Variants in BABAM2 observed in about 807,000 individuals in gnomAD.
The protein encoded by BABAM2 is BRISC and BRCA1 A complex member 2.
A neutral mutation model predicts 54.7 loss-of-function variants in BABAM2; 31 were observed. The ratio of observed to expected loss-of-function variants is 0.57; its 90% CI spans 0.43 to 0.77. The LOEUF (loss-of-function observed/expected upper bound fraction) is 0.77, where lower values mean the gene tolerates loss of function less well. Ranked by LOEUF, BABAM2 falls within the 30% of genes least tolerant of loss-of-function variation. BABAM2 has a pLI of 0.00. For missense variants in BABAM2, 364 were observed against 455.8 expected (o/e 0.80, Z 1.83); for synonymous variants, 167 against 162.9 (o/e 1.03, Z -0.19).
chr2:27,905,917 T>C (rs547723372), intron 2 of BABAM2, among the ~76,000 whole-genome samples: 13 of 152,314 alleles, frequency 8.5e-5, no homozygotes, highest in African/African-American at 2.6e-4. Context: ...TTTGATTAGG[T>C]TGAAAAATGA....
At chr2:28,034,271 G>A (rs770232903) in intron 5 of BABAM2, among the ~76,000 whole-genome samples, 9 of 152,066 alleles carry the variant, frequency 5.9e-5, no homozygotes, top group South Asian at 2.1e-4. Context: ...TCTGCCACCC[G>A]TTCTTTTTGT....
chr2:28,056,395 C>T (rs1003956208), intron 6 of BABAM2, among the ~76,000 whole-genome samples: 3 of 152,166 alleles, frequency 2.0e-5, no homozygotes, highest in Admixed American at 6.5e-5. Context: ...CTTAAATATA[C>T]ACAATAAAAT....
At chr2:28,210,832 A>G (rs1314123258) in intron 7 of BABAM2, among the ~76,000 whole-genome samples, 1 of 152,232 alleles carries the variant, frequency 6.6e-6, no homozygotes, top group Non-Finnish European at 1.5e-5. Flanking sequence ...GTGCTTCCTC[A>G]GGGCAGATTT....
At chr2:27,974,630 A>G (rs961328817) in intron 3 of BABAM2, among the ~76,000 whole-genome samples, 7 of 152,168 alleles carry the variant, frequency 4.6e-5, no homozygotes, top group African/African-American at 1.7e-4. Flanking sequence ...ACATCTACCC[A>G]GAACCTACAG....
At chr2:28,302,627 G>T (rs1032183469) in intron 11 of BABAM2, among the ~76,000 whole-genome samples, 1 of 152,170 alleles carries the variant, frequency 6.6e-6, no homozygotes, top group Non-Finnish European at 1.5e-5. Flanking sequence ...GGGAGTGGGA[G>T]TACATATGTG....
Position 28,241,597 on chromosome 2 carries a change from C to T in BABAM2, c.851+204C>T, listed in dbSNP as rs766915777. On this transcript the variant is annotated intron_variant, in intron 9 of 11. Transcript: ENST00000379624. Reference sequence around the variant, plus strand: ...GCAACCTCCACTTCCCGAGTTCAAGCGATTCTCCTGCCTCAGTCTCCTGAG... The same window carrying T: ...GCAACCTCCACTTCCCGAGTTCAAGTGATTCTCCTGCCTCAGTCTCCTGAG... Among the ~76,000 whole-genome samples the T allele has an allele frequency of 1.2e-3, 182 of 152,092 alleles. 1 individual carries two copies. The highest frequency in any genetic ancestry group is 2.3e-3 in the Non-Finnish European group (155 of 68,010).
intron 3 of BABAM2, among the ~76,000 whole-genome samples, chr2:27,948,114 C>G (rs1415009461): frequency 2.0e-5 from 3 of 151,616 alleles, no homozygotes; most frequent in Non-Finnish European, 2.9e-5. Flanking sequence ...ATCATCTTGT[C>G]AATTTTTTAG....
chr2:28,285,344 C>A (rs1405495463), intron 10 of BABAM2, among the ~76,000 whole-genome samples: 1 of 152,166 alleles, frequency 6.6e-6, no homozygotes, highest in Non-Finnish European at 1.5e-5. Context: ...CCCCACCCAT[C>A]TTGCAGACTG....
At chr2:28,018,080 T>A (rs1015826350) in intron 4 of BABAM2, among the ~76,000 whole-genome samples, 1 of 152,222 alleles carries the variant, frequency 6.6e-6, no homozygotes, top group African/African-American at 2.4e-5. Flanking sequence ...CTGAGATTGG[T>A]ACATCCATCA....
intron 2 of BABAM2, among the ~76,000 whole-genome samples, chr2:27,908,455 T>C (rs1666342713): frequency 6.6e-6 from 1 of 152,082 alleles, no homozygotes; most frequent in Non-Finnish European, 1.5e-5. Flanking sequence ...GTATTTTTTT[T>C]CGAAATGGGG....
At chr2:27,892,237 A>G (rs1664918234) in intron 1 of BABAM2, 1 of 152,170 alleles carries the variant, frequency 6.6e-6, no homozygotes, top group Non-Finnish European at 1.5e-5. Flanking sequence ...TTTAGCTTCC[A>G]CTTGTCAAAT....
chr2:27,926,914 C>G (rs1016848390), intron 2 of BABAM2, among the ~76,000 whole-genome samples: 1 of 152,072 alleles, frequency 6.6e-6, no homozygotes, highest in Non-Finnish European at 1.5e-5. Flanking sequence ...ATATCCTCAT[C>G]TCAAACATTT....
At chr2:28,289,493 A>T (rs1687098157) in intron 10 of BABAM2, among the ~76,000 whole-genome samples, 1 of 152,206 alleles carries the variant, frequency 6.6e-6, no homozygotes. Context: ...TTTAAAAAGA[A>T]ATAGCACATT....
At chr2:27,894,446 C>A in intron 1 of BABAM2, 87 bp from the exon 2 acceptor site, 2 of 1,239,284 alleles carry the variant, frequency 1.6e-6, no homozygotes, top group Non-Finnish European at 2.3e-6. Context: ...GCAAGAGGAA[C>A]TGCTGTATGC....
intron 6 of BABAM2, among the ~76,000 whole-genome samples, chr2:28,046,058 T>C (rs1017755276): frequency 6.6e-6 from 1 of 152,250 alleles, no homozygotes. Flanking sequence ...AAATCGCTTT[T>C]ATTTAATAAT....
chr2:28,266,116 C>G (rs1684967116), intron 10 of BABAM2, among the ~76,000 whole-genome samples: 1 of 152,090 alleles, frequency 6.6e-6, no homozygotes, highest in African/African-American at 2.4e-5. Context: ...TCCCAAGTAA[C>G]TGGGATTACA....
At chr2:27,904,084 A>G (rs1242359997) in intron 2 of BABAM2, among the ~76,000 whole-genome samples, 1 of 152,190 alleles carries the variant, frequency 6.6e-6, no homozygotes, top group East Asian at 1.9e-4. Flanking sequence ...TGGGTAGTGT[A>G]GACAGTTATG....
intron 5 of BABAM2, among the ~76,000 whole-genome samples, chr2:28,025,888 CT>C (rs998276297): frequency 2.6e-5 from 4 of 152,274 alleles, no homozygotes; most frequent in Admixed American, 2.6e-4. Flanking sequence ...TTATATGATC[CT>C]TTAAAAAATC....
chr2:28,044,178 A>G (rs182943081), intron 5 of BABAM2, among the ~76,000 whole-genome samples: 3 of 152,166 alleles, frequency 2.0e-5, no homozygotes, highest in Admixed American at 2.0e-4. Flanking sequence ...AGCTCAATAT[A>G]TTTCTGTCTG....
Sources: allele counts gnomAD v4.1 joint callset (sites outside exome capture counted in the v4.1 genomes callset), GRCh38; gene constraint gnomAD v4.1.1; transcripts MANE v1.5; gene names NCBI Gene and HGNC (gene_info 2026-07-23, HGNC 2026-07-21).